LYPLA1: variants seen among roughly 807,000 people sequenced by gnomAD.
The protein encoded by LYPLA1 is acyl-protein thioesterase 1.
LYPLA1 carries 17 observed loss-of-function variants against 34.0 expected under a neutral mutation model. That is an observed-to-expected ratio of 0.50 (90% CI 0.34 to 0.75). The LOEUF (loss-of-function observed/expected upper bound fraction) is 0.75. LYPLA1 is among the 30% of genes least tolerant of loss of function. The pLI, the probability that LYPLA1 is intolerant of heterozygous loss-of-function variation, is 0.01. For synonymous variants in LYPLA1, 98 were observed against 100.8 expected, an observed-to-expected ratio of 0.97 and a Z score of 0.17; for missense variants, 203 against 288.8, an observed-to-expected ratio of 0.70 and a Z score of 2.15.
chr8:54,061,634 C>T lies in LYPLA1; in HGVS notation c.286+620G>A, dbSNP rs1343730533. Among the ~76,000 whole-genome samples, 3 of 152,020 alleles carry T rather than the reference C, an allele frequency of 2.0e-5. No homozygotes were observed. The East Asian group carries it at 5.8e-4, about 30-fold the overall frequency. ...ACAAAAAGAAAAAATTAAAACCTGG[C>T]GGGGCATGGTGGTGTGCGCCTCCAT... On this transcript the variant is annotated intron_variant, in intron 5 of 8. Transcript: ENST00000316963.
intron 2 of LYPLA1, chr8:54,073,297 C>T (rs756564041): frequency 9.0e-6 from 8 of 891,962 alleles, no homozygotes; most frequent in Non-Finnish European, 1.5e-5. Context: ...CTGTGCCTGC[C>T]CCCTCTCCTT....
At chr8:54,100,390 A>T (rs1810029186) in intron 2 of LYPLA1, 1 of 152,542 alleles carries the variant, frequency 6.6e-6, no homozygotes, top group African/African-American at 2.4e-5. Flanking sequence ...AACAAAAAAT[A>T]AAATAAAAAT....
chr8:54,047,291 C>G lies in LYPLA1; in HGVS notation c.*774G>C, dbSNP rs1248267339. ...TAAAGCATAAATAGATTTTAAATACCTTATATCTGTGACCCAGAATGTCAA... is the reference window on the plus strand; with the variant it reads ...TAAAGCATAAATAGATTTTAAATACGTTATATCTGTGACCCAGAATGTCAA... On this transcript the variant is annotated 3_prime_UTR_variant, in exon 9 of 9. Transcript: ENST00000316963. 6.6e-6 allele frequency: 1 copy of G among 151,968 alleles called. No individual in the cohort carries two copies. The highest frequency in any genetic ancestry group is 1.5e-5 in the Non-Finnish European group (1 of 67,950). The allele number at this position is 151,968 out of a possible 1,614,324, so 9.4% of individuals were successfully genotyped here.
Position 54,057,970 on chromosome 8 carries a change from TTTAA to T in LYPLA1, c.287-2841_287-2838del, listed in dbSNP as rs1325548445. Among the ~76,000 whole-genome samples, 4 of 152,074 alleles carry T rather than the reference TTTAA, an allele frequency of 2.6e-5. No individual in the cohort carries two copies. The East Asian group carries it at 7.7e-4, about 29-fold the overall frequency. On this transcript the variant is annotated intron_variant, in intron 5 of 8. Coordinates refer to ENST00000316963, the MANE Select transcript of LYPLA1 (RefSeq NM_006330.4). ...AAAATTGAAAATAAAAAAATAAAAT[TTTAA>T]TTAAAACTTCAATAATTTCCCATTA...
At chr8:54,048,982 C>T (rs1261381432) in intron 8 of LYPLA1, among the ~76,000 whole-genome samples, 1 of 152,162 alleles carries the variant, frequency 6.6e-6, no homozygotes, top group Non-Finnish European at 1.5e-5. Flanking sequence ...GATACAAAGC[C>T]CATGAAGAAA....
intron 5 of LYPLA1, among the ~76,000 whole-genome samples, chr8:54,061,569 A>C (rs1195617137): frequency 6.6e-6 from 1 of 152,202 alleles, no homozygotes; most frequent in Non-Finnish European, 1.5e-5. Context: ...GTGACCAGAA[A>C]GGAAAACAAG....
chr8:54,067,046 T>C (rs533254677), intron 2 of LYPLA1, among the ~76,000 whole-genome samples: 40 of 152,024 alleles, frequency 2.6e-4, no homozygotes, highest in African/African-American at 9.2e-4. Context: ...GTGCATTGCC[T>C]GTAATCCCAG....
intron 2 of LYPLA1, among the ~76,000 whole-genome samples, chr8:54,099,475 C>T (rs1239898866): frequency 6.6e-6 from 1 of 152,128 alleles, no homozygotes; most frequent in Middle Eastern, 3.4e-3. Context: ...GTCAGGAGTT[C>T]GAGACCAGCG....
At chr8:54,078,285 TA>T (rs150997643) in intron 2 of LYPLA1, among the ~76,000 whole-genome samples, 3,969 of 152,218 alleles carry the variant, frequency 0.026, 71 homozygotes, top group African/African-American at 0.047. Flanking sequence ...TACTTGACTA[TA>T]TCATAATCCA....
downstream of LYPLA1, among the ~76,000 whole-genome samples, chr8:54,044,597 G>A (rs1331605446): frequency 4.6e-5 from 7 of 151,952 alleles, no homozygotes; most frequent in Admixed American, 4.6e-4. Context: ...GGGGTGGAAG[G>A]GGCCAGATTT....
intron 2 of LYPLA1, among the ~76,000 whole-genome samples, chr8:54,071,204 T>C (rs1308309793): frequency 6.6e-6 from 1 of 150,518 alleles, no homozygotes; most frequent in East Asian, 2.1e-4. Flanking sequence ...ACTCAAGACA[T>C]GACAGCTCAA....
chr8:54,051,920 G>A (rs7005653), intron 7 of LYPLA1, among the ~76,000 whole-genome samples: 19,002 of 150,274 alleles, frequency 0.13, 3,172 homozygotes, highest in African/African-American at 0.39. Context: ...GCACAATCGT[G>A]GCTCACTGCA....
rs551042556 is a variant in LYPLA1, at chr8:54,080,145, G to A, written c.102-14332C>T. Reference sequence around the variant, plus strand: ...TCACACCTGTAATCCCACCACTTTGGGAGGCTGAGGTGGGTGGATCACTTG... The same window carrying A: ...TCACACCTGTAATCCCACCACTTTGAGAGGCTGAGGTGGGTGGATCACTTG... On this transcript the variant is annotated intron_variant, in intron 2 of 8. Coordinates refer to ENST00000316963, the MANE Select transcript of LYPLA1 (RefSeq NM_006330.4). Among the ~76,000 whole-genome samples the A allele has an allele frequency of 5.9e-5, 9 of 152,228 alleles. No individual in the cohort carries two copies. In the East Asian group the frequency reaches 1.7e-3, roughly 29 times the overall value.
chr8:54,055,938 G>GC (rs1806178388), intron 5 of LYPLA1, among the ~76,000 whole-genome samples: 1 of 152,094 alleles, frequency 6.6e-6, no homozygotes, highest in Non-Finnish European at 1.5e-5. Flanking sequence ...ACCGTGCCTA[G>GC]CCCCCTAAAA....
At chr8:54,088,047 G>T (rs113283697) in intron 2 of LYPLA1, among the ~76,000 whole-genome samples, 8 of 152,210 alleles carry the variant, frequency 5.3e-5, no homozygotes, top group African/African-American at 2.4e-5. Flanking sequence ...ACAAAGGAAG[G>T]AGGAAGTTAA....
At chr8:54,073,826 G>A (rs1330075202) in intron 2 of LYPLA1, among the ~76,000 whole-genome samples, 1 of 152,098 alleles carries the variant, frequency 6.6e-6, no homozygotes, top group African/African-American at 2.4e-5. Context: ...CAAGTCCAGT[G>A]TTTCTTGATA....
At chr8:54,073,777 ACTT>A (rs995277197) in intron 2 of LYPLA1, among the ~76,000 whole-genome samples, 73 of 152,184 alleles carry the variant, frequency 4.8e-4, no homozygotes, top group Admixed American at 1.6e-3. Flanking sequence ...CCAAAAAACT[ACTT>A]CTTTTTTCAA....
intron 5 of LYPLA1, among the ~76,000 whole-genome samples, chr8:54,058,571 A>G (rs1177300923): frequency 6.6e-6 from 1 of 151,352 alleles, no homozygotes; most frequent in African/African-American, 2.4e-5. Flanking sequence ...AACCAGAATA[A>G]ATCTCTTTTG....
chr8:54,077,673 G>A, intron 2 of LYPLA1, among the ~76,000 whole-genome samples: 1 of 152,044 alleles, frequency 6.6e-6, no homozygotes, highest in Admixed American at 6.6e-5. Context: ...TTATTCTTCT[G>A]AAAATAAAAG....
Sources: gnomAD v4.1 joint callset for allele counts (sites outside exome capture counted in the v4.1 genomes callset) on GRCh38, gnomAD v4.1.1 for gene constraint, MANE v1.5 for transcripts, NCBI Gene and HGNC (gene_info 2026-07-23, HGNC 2026-07-21) for gene names.